Variants in DYNC2LI1 observed in about 807,000 individuals in gnomAD.
DYNC2LI1 encodes the protein dynein cytoplasmic 2 light intermediate chain 1.
In DYNC2LI1, 45 loss-of-function variants were observed where a neutral mutation model predicts 51.9. The observed-to-expected ratio is 0.87, with a 90% CI of 0.68 to 1.11. The LOEUF (loss-of-function observed/expected upper bound fraction) is 1.11. Among genes scored for constraint, DYNC2LI1 ranks in the 50% most tolerant of loss-of-function variants. The probability of loss-of-function intolerance (pLI) is 0.00; values close to 1 mark genes in which losing one functional copy is unlikely to be tolerated. For synonymous variants in DYNC2LI1, 130 were observed against 137.8 expected, an observed-to-expected ratio of 0.94 and a Z score of 0.40; for missense variants, 490 against 417.4, an observed-to-expected ratio of 1.17 and a Z score of -1.51.
chr2:43,788,181 C>G (rs1673611498), intron 4 of DYNC2LI1, among the ~76,000 whole-genome samples: 2 of 152,198 alleles, frequency 1.3e-5, no homozygotes, highest in South Asian at 2.1e-4. Context: ...AAAAGCTTCC[C>G]TTTATCAAAT....
intron 10 of DYNC2LI1, among the ~76,000 whole-genome samples, chr2:43,802,314 G>C (rs568675860): frequency 2.0e-5 from 3 of 150,830 alleles, no homozygotes; most frequent in East Asian, 1.9e-4. Context: ...TTTGAGCCTC[G>C]CACTTCTTTA....
At position 43,810,001 on chromosome 2, in the gene DYNC2LI1, C is replaced by A; in HGVS notation, c.*234C>A. On this transcript the variant is annotated 3_prime_UTR_variant, in exon 13 of 13. Coordinates refer to ENST00000260605, the MANE Select transcript of DYNC2LI1 (RefSeq NM_016008.4). ...TTAAAATAAAAGAATCTTCTACTAC[C>A]TACCTCTAACATGTTTAAGTGGTAT... 2 of 1,145,418 alleles carry A rather than the reference C, an allele frequency of 1.7e-6. No homozygotes were observed. The highest frequency in any genetic ancestry group is 2.2e-6 in the Non-Finnish European group (2 of 895,410). The allele number at this position is 1,145,418 out of a possible 1,614,324, so 71.0% of individuals were successfully genotyped here.
the DYNC2LI1 span, among the ~76,000 whole-genome samples, chr2:43,825,508 C>T: frequency 6.6e-6 from 1 of 152,326 alleles, no homozygotes; most frequent in Non-Finnish European, 1.5e-5. Flanking sequence ...CGTGGAAAAA[C>T]ACAGCCTTTG....
intron 8 of DYNC2LI1, among the ~76,000 whole-genome samples, chr2:43,797,542 G>C (rs1480639809): frequency 9.6e-6 from 1 of 103,860 alleles, no homozygotes; most frequent in Non-Finnish European, 1.8e-5. Flanking sequence ...TTTTTTTTGA[G>C]ACAGTCTCAC....
chr2:43,819,977 T>G, the DYNC2LI1 span: 1 of 1,614,148 alleles, frequency 6.2e-7, no homozygotes, highest in Non-Finnish European at 8.5e-7. Flanking sequence ...CACTGTTGAC[T>G]ATATTTGGAT....
Position 43,800,895 on chromosome 2 carries a change from T to A in DYNC2LI1, c.709T>A (p.Leu237Met). 3 of 1,603,366 alleles carry A rather than the reference T, an allele frequency of 1.9e-6. No homozygotes were observed. Among genetic ancestry groups the A allele is most frequent in the Non-Finnish European group, 2.6e-6 (3 of 1,173,800 alleles). Reference sequence around the variant, plus strand: ...AAAAATACGTGGAGTTATCAACCAGTTGGCATTTGGCATTGACAAAAGGTA... The same window carrying A: ...AAAAATACGTGGAGTTATCAACCAGATGGCATTTGGCATTGACAAAAGGTA... ...LLKIRGVINQ[L>M]AFGIDKSKSI... is the part of the protein sequence containing the mutation. The change falls in exon 9 of 13, where the codon TTG becomes ATG. Residue 237 changes from leucine (L) to methionine (M), a missense_variant. By Grantham distance (15) the Leu-to-Met change is conservative. Coordinates refer to ENST00000260605, the MANE Select transcript of DYNC2LI1 (RefSeq NM_016008.4).
At chr2:43,804,228 G>T (rs978920652) in intron 10 of DYNC2LI1, among the ~76,000 whole-genome samples, 2 of 152,266 alleles carry the variant, frequency 1.3e-5, no homozygotes, top group South Asian at 4.2e-4. Context: ...AGTAATTAAT[G>T]CACTGTTCAC....
intron 2 of DYNC2LI1, among the ~76,000 whole-genome samples, chr2:43,782,547 TAA>T (rs779034508): frequency 0.015 from 1,915 of 127,320 alleles, 48 homozygotes; most frequent in African/African-American, 0.049. Context: ...GTCTTTTCTT[TAA>T]AAAAAAAAAA....
chr2:43,824,854 A>G, the DYNC2LI1 span: 8 of 1,612,484 alleles, frequency 5.0e-6, no homozygotes, highest in Middle Eastern at 1.7e-4. Context: ...AGTTTAAAAA[A>G]CATTCATGAT....
chr2:43,788,297 G>A lies in DYNC2LI1; in HGVS notation c.231+1047G>A, dbSNP rs1018282439. 2.2e-4 allele frequency among the ~76,000 whole-genome samples: 34 copies of A among 152,246 alleles called. 1 individual carries two copies. The highest frequency in any genetic ancestry group is 8.2e-4 in the African/African-American group (34 of 41,550). ...TGTAGAGATTACAGGATGAAATTTT[G>A]TCAAAAATCCAAAATAATATATATT... On this transcript the variant is annotated intron_variant, in intron 4 of 12. Transcript: ENST00000260605.
At chr2:43,822,937 T>C in the DYNC2LI1 span, 6 of 1,613,796 alleles carry the variant, frequency 3.7e-6, no homozygotes, top group Non-Finnish European at 5.1e-6. Context: ...GCACGGGAAC[T>C]GGGGATGGAA....
chr2:43,788,479 C>T (rs1363230945), intron 4 of DYNC2LI1, among the ~76,000 whole-genome samples: 2 of 152,086 alleles, frequency 1.3e-5, no homozygotes, highest in African/African-American at 4.8e-5. Flanking sequence ...ATTTAATTCC[C>T]TAGGAGTCCT....
chr2:43,800,699 G>T, intron 8 of DYNC2LI1, 142 bp from the exon 9 acceptor site: 3 of 480,590 alleles, frequency 6.2e-6, no homozygotes, highest in Non-Finnish European at 1.1e-5. Flanking sequence ...GTTTTGTTTT[G>T]TCTACTCAAA....
the DYNC2LI1 span, chr2:43,822,928 C>G: frequency 6.2e-7 from 1 of 1,613,918 alleles, no homozygotes; most frequent in African/African-American, 1.3e-5. Flanking sequence ...CAGCTCGCAG[C>G]ACGGGAACTG....
chr2:43,812,019 T>C (rs1225614775), downstream of DYNC2LI1, among the ~76,000 whole-genome samples: 3 of 152,152 alleles, frequency 2.0e-5, no homozygotes, highest in East Asian at 5.8e-4. Flanking sequence ...ATGTACCCTG[T>C]TCTTTGTAAA....
chr2:43,801,803 T>A, intron 10 of DYNC2LI1, 94 bp downstream of exon 10: 1 of 886,034 alleles, frequency 1.1e-6, no homozygotes, highest in Non-Finnish European at 1.8e-6. Flanking sequence ...ATACTCCTAT[T>A]TCTGGTTTCA....
At chr2:43,774,358 T>C (rs1248043466) in intron 1 of DYNC2LI1, among the ~76,000 whole-genome samples, 1 of 152,056 alleles carries the variant, frequency 6.6e-6, no homozygotes, top group East Asian at 1.9e-4. Flanking sequence ...AAGTGAGAGA[T>C]TTGGAAAGAT....
At chr2:43,787,393 A>T in intron 4 of DYNC2LI1, 143 bp downstream of exon 4, 2 of 646,148 alleles carry the variant, frequency 3.1e-6, no homozygotes, top group South Asian at 4.4e-5. Context: ...TAAACTTCAA[A>T]TGCAGTGTGG....
At chr2:43,806,341 G>C (rs1572723260) in intron 12 of DYNC2LI1, among the ~76,000 whole-genome samples, 1 of 152,194 alleles carries the variant, frequency 6.6e-6, no homozygotes, top group East Asian at 1.9e-4. Context: ...GTTGTTGCGA[G>C]GGTAACCTGA....
Sources: allele counts gnomAD v4.1 joint callset (sites outside exome capture counted in the v4.1 genomes callset), GRCh38; gene constraint gnomAD v4.1.1; transcripts MANE v1.5; gene names NCBI Gene and HGNC (gene_info 2026-07-23, HGNC 2026-07-21).